TLN2: variants seen among roughly 807,000 people sequenced by gnomAD.
The protein encoded by TLN2 is talin 2.
In TLN2, 118 loss-of-function variants were observed where a neutral mutation model predicts 294.7. The observed-to-expected ratio is 0.40, with a 90% CI of 0.34 to 0.47. TLN2 has a LOEUF of 0.47. Ranked by LOEUF, TLN2 falls within the 20% of genes least tolerant of loss-of-function variation. TLN2 has a pLI of 0.84. For synonymous variants in TLN2, 1,431 were observed against 1,304.5 expected (o/e 1.10, Z -2.09); for missense variants, 3,083 against 3,282.2 (o/e 0.94, Z 1.48).
chr15:62,840,341 C>T (rs951524860), intron 58 of TLN2, 141 bp from the exon 59 acceptor site: 30 of 1,243,588 alleles, frequency 2.4e-5, no homozygotes, highest in African/African-American at 6.1e-5. Flanking sequence ...AGAGGCTGGT[C>T]GCCAGAGCTA....
chr15:62,538,563 G>A (rs1443416667), intron 1 of TLN2, among the ~76,000 whole-genome samples: 2 of 152,174 alleles, frequency 1.3e-5, no homozygotes, highest in Non-Finnish European at 2.9e-5. Flanking sequence ...TGTCCCTGTT[G>A]TGTAGGCTCT....
rs4775538 is a variant in TLN2, at chr15:62,755,594, C to T, written c.4539C>T (p.Ile1513=). 359,072 of 1,613,864 alleles carry T rather than the reference C, an allele frequency of 0.22. 40,668 individuals carry two copies. The highest frequency in any genetic ancestry group is 0.32 in the East Asian group (14,473 of 44,858). Residue 1513 remains isoleucine, a synonymous_variant, in exon 37 of 59, where the codon ATC becomes ATT. Coordinates refer to ENST00000636159, the MANE Select transcript of TLN2 (RefSeq NM_015059.3). ...HTSALCNACR[I]ASSKTANPVA... The stretch of plus-strand genomic sequence containing the variant: ...CAGCCTTGTGCAATGCCTGCCGCAT[C>T]GCCTCATCCAAGACGGCCAACCCAG...
At chr15:62,734,050 ATC>A (rs1474983080) in intron 28 of TLN2, 1 of 152,098 alleles carries the variant, frequency 6.6e-6, no homozygotes, top group African/African-American at 2.4e-5. Flanking sequence ...CAGAAACCTC[ATC>A]TCTCTCAAGA....
At chr15:62,437,535 G>T (rs1333473598) in intron 1 of TLN2, among the ~76,000 whole-genome samples, 2 of 151,978 alleles carry the variant, frequency 1.3e-5, no homozygotes, top group African/African-American at 4.8e-5. Flanking sequence ...ATGACACCTG[G>T]CTGAAAGGTG....
intron 1 of TLN2, among the ~76,000 whole-genome samples, chr15:62,478,557 G>A (rs968899428): frequency 1.4e-4 from 22 of 152,044 alleles, no homozygotes; most frequent in African/African-American, 7.2e-5. Flanking sequence ...GCCCACCTCC[G>A]CCAGGCTCAA....
At chr15:62,785,683 G>A (rs946771981) in intron 45 of TLN2, among the ~76,000 whole-genome samples, 1 of 147,736 alleles carries the variant, frequency 6.8e-6, no homozygotes, top group Non-Finnish European at 1.5e-5. Context: ...GAAGTGTTTG[G>A]CAAGGGAGGT....
chr15:62,551,513 T>TACAC (rs56986714), intron 1 of TLN2, among the ~76,000 whole-genome samples: 12,500 of 146,962 alleles, frequency 0.085, 552 homozygotes, highest in African/African-American at 0.096. Flanking sequence ...CTACTAAAAA[T>TACAC]ACACACACAC....
intron 6 of TLN2, among the ~76,000 whole-genome samples, chr15:62,652,377 T>C (rs8039436): frequency 2.6e-5 from 4 of 152,072 alleles, no homozygotes; most frequent in African/African-American, 7.2e-5. Context: ...GATTTTCAAA[T>C]GGAAAGTCAT....
intron 2 of TLN2, among the ~76,000 whole-genome samples, chr15:62,599,684 A>C (rs973318781): frequency 3.3e-5 from 5 of 152,152 alleles, no homozygotes; most frequent in Non-Finnish European, 5.9e-5. Context: ...TCTCTAAGGG[A>C]TGAGGAGTGA....
In TLN2 at chr15:62,722,481, G is replaced by T; in HGVS notation, c.3120G>T (p.Ser1040=). ...GCTTGGCGGAGCTGCGTACCGCCTC[G>T]CAGAAGGCAAGTGGAGCGTGTCATA... The part of the protein sequence containing the change: ...ATSLAELRTA[S]QKAHEACGPM... Residue 1040 remains serine, a synonymous_variant, in exon 26 of 59, where the codon TCG becomes TCT. Coordinates refer to ENST00000636159, the MANE Select transcript of TLN2 (RefSeq NM_015059.3). 6.2e-7 allele frequency: 1 copy of T among 1,610,398 alleles called. No individual in the cohort carries two copies. The highest frequency in any genetic ancestry group is 1.1e-5 in the South Asian group (1 of 90,750).
At chr15:62,512,480 A>G (rs975240297) in intron 1 of TLN2, among the ~76,000 whole-genome samples, 1 of 152,220 alleles carries the variant, frequency 6.6e-6, no homozygotes, top group Non-Finnish European at 1.5e-5. Context: ...AAATTGCTGT[A>G]GAGGCTACTC....
chr15:62,535,231 A>G (rs1297695678), intron 1 of TLN2, among the ~76,000 whole-genome samples: 1 of 152,154 alleles, frequency 6.6e-6, no homozygotes, highest in Non-Finnish European at 1.5e-5. Flanking sequence ...CATGGGAGTC[A>G]TCTGGCACTC....
At chr15:62,588,620 G>A (rs928214583) in intron 1 of TLN2, among the ~76,000 whole-genome samples, 2 of 145,596 alleles carry the variant, frequency 1.4e-5, no homozygotes, top group Non-Finnish European at 3.0e-5. Context: ...CAACAAGAGT[G>A]AGACTCCATC....
At chr15:62,835,113 T>C (rs2069356706) in intron 55 of TLN2, 1 of 152,748 alleles carries the variant, frequency 6.5e-6, no homozygotes, top group Admixed American at 6.5e-5. Context: ...AGCTTCAAGG[T>C]ATTTCCTCCT....
intron 1 of TLN2, among the ~76,000 whole-genome samples, chr15:62,411,910 G>A (rs765092203): frequency 6.6e-5 from 10 of 152,200 alleles, no homozygotes; most frequent in African/African-American, 2.4e-5. Flanking sequence ...AGAGGGATGT[G>A]GATGAACTAG....
chr15:62,685,413 G>T (rs962953997), intron 11 of TLN2, among the ~76,000 whole-genome samples: 7 of 152,096 alleles, frequency 4.6e-5, no homozygotes, highest in African/African-American at 1.7e-4. Context: ...GTGGTTTCTA[G>T]CTTTTCACTA....
intron 1 of TLN2, among the ~76,000 whole-genome samples, chr15:62,514,013 G>T (rs1313836102): frequency 6.6e-6 from 1 of 152,212 alleles, no homozygotes; most frequent in Non-Finnish European, 1.5e-5. Flanking sequence ...TTGTCAAGGA[G>T]TTGGCAGAAA....
chr15:62,775,870 T>C (rs2063688630), intron 42 of TLN2, among the ~76,000 whole-genome samples: 1 of 152,236 alleles, frequency 6.6e-6, no homozygotes, highest in Non-Finnish European at 1.5e-5. Context: ...GAGGGCATGA[T>C]TTCCTCCTAG....
At chr15:62,623,354 T>C (rs553181880) in intron 3 of TLN2, among the ~76,000 whole-genome samples, 1 of 152,326 alleles carries the variant, frequency 6.6e-6, no homozygotes, top group African/African-American at 2.4e-5. Flanking sequence ...TCGCTGAAAA[T>C]CTCACAGGTC....
Sources: allele counts gnomAD v4.1 joint callset (sites outside exome capture counted in the v4.1 genomes callset), GRCh38; gene constraint gnomAD v4.1.1; transcripts MANE v1.5; gene names NCBI Gene and HGNC (gene_info 2026-07-23, HGNC 2026-07-21).